The following PLAAT1 variants were observed in gnomAD, a reference collection of about 807,000 sequenced individuals.
PLAAT1 encodes phospholipase A and acyltransferase 1.
PLAAT1 carries 13 observed loss-of-function variants against 16.4 expected under a neutral mutation model. That is an observed-to-expected ratio of 0.79 (90% confidence interval 0.52 to 1.26). PLAAT1 has a LOEUF of 1.26. Among genes scored for constraint, PLAAT1 ranks in the 50% most tolerant of loss-of-function variants. The probability of loss-of-function intolerance (pLI) is 0.00; values close to 1 mark genes in which losing one functional copy is unlikely to be tolerated. For synonymous variants in PLAAT1, 73 were observed against 78.4 expected (o/e 0.93, Z 0.36); for missense variants, 218 against 207.8 (o/e 1.05, Z -0.30).
At chr3:193,271,801 C>G (rs188193183), downstream of PLAAT1, among the ~76,000 whole-genome samples, 2 of 152,032 alleles carry the variant, frequency 1.3e-5, no homozygotes, top group African/African-American at 4.8e-5. Flanking sequence ...ACAGAGGACT[C>G]GGTGAAAGTC....
intron 1 of PLAAT1, among the ~76,000 whole-genome samples, 190 bp from the exon 2 acceptor site, chr3:193,255,461 C>T (rs1365858130): frequency 2.0e-5 from 3 of 152,170 alleles, no homozygotes; most frequent in Non-Finnish European, 4.4e-5. Context: ...AATTATTTCT[C>T]TACTTGTCCC....
In PLAAT1 at chr3:193,241,340, G is replaced by A; in HGVS notation, c.-194G>A. The A allele has an allele frequency of 2.4e-6, 3 of 1,231,458 alleles. No homozygotes were observed. Among genetic ancestry groups the A allele is most frequent in the Non-Finnish European group, 3.0e-6 (3 of 987,788 alleles). The allele number at this position is 1,231,458 out of a possible 1,614,324, so 76.3% of individuals were successfully genotyped here. On this transcript the variant is annotated 5_prime_UTR_variant, in exon 1 of 4. Coordinates refer to ENST00000264735, the MANE Select transcript of PLAAT1 (RefSeq NM_020386.5). ...GCCGGGACCGTTTCAGCGTGGCGGC[G>A]CTGGTGCTGGCGTTGGCCCTGGAGG...
At chr3:193,276,494 A>G (rs761604732) in intron 2 of PLAAT1, among the ~76,000 whole-genome samples, 3 of 152,256 alleles carry the variant, frequency 2.0e-5, no homozygotes, top group Non-Finnish European at 4.4e-5. Context: ...CAGTGCATTC[A>G]TGGAAGCAAA....
intron 1 of PLAAT1, among the ~76,000 whole-genome samples, chr3:193,254,691 A>G (rs1330096878): frequency 6.6e-6 from 1 of 152,168 alleles, no homozygotes; most frequent in East Asian, 1.9e-4. Flanking sequence ...CAGCTTTCCA[A>G]GTTGTCCTGC....
chr3:193,264,479 TTTG>T (rs1016464401), intron 3 of PLAAT1, among the ~76,000 whole-genome samples: 6 of 150,634 alleles, frequency 4.0e-5, no homozygotes, highest in African/African-American at 1.2e-4. Flanking sequence ...TGCCCATTTT[TTTG>T]TTGTTGTTGT....
At chr3:193,251,734 C>T (rs181001883) in intron 1 of PLAAT1, among the ~76,000 whole-genome samples, 10 of 152,170 alleles carry the variant, frequency 6.6e-5, no homozygotes, top group Admixed American at 6.5e-4. Context: ...AGTGTATCTC[C>T]ACTTTTTCTA....
downstream of PLAAT1, among the ~76,000 whole-genome samples, chr3:193,281,423 G>T (rs531654737): frequency 2.0e-5 from 3 of 152,316 alleles, no homozygotes; most frequent in Non-Finnish European, 2.9e-5. Context: ...AGATTTGAAT[G>T]TTGGCTCTTC....
rs1716963810 is a variant in PLAAT1, at chr3:193,270,849, T to G, written c.*144T>G. The G allele has an allele frequency of 1.5e-6, 2 of 1,334,054 alleles. No homozygotes were observed. Among genetic ancestry groups the G allele is most frequent in the Admixed American group, 3.2e-5 (1 of 31,370 alleles). The allele number at this position is 1,334,054 out of a possible 1,614,324, so 82.6% of individuals were successfully genotyped here. On this transcript the variant is annotated 3_prime_UTR_variant, in exon 4 of 4. Transcript: ENST00000264735. ...TCTTTAATAAATTGCTTACTGATATTATCTTATCATTGAGCCAATGAAATT... is the reference window on the plus strand; with the variant it reads ...TCTTTAATAAATTGCTTACTGATATGATCTTATCATTGAGCCAATGAAATT...
intron 2 of PLAAT1, among the ~76,000 whole-genome samples, chr3:193,261,343 G>A (rs964084386): frequency 6.6e-6 from 1 of 151,348 alleles, no homozygotes; most frequent in Non-Finnish European, 1.5e-5. Context: ...ACTCCAGCCT[G>A]GGCAACAAAG....
intron 1 of PLAAT1, among the ~76,000 whole-genome samples, chr3:193,252,491 G>A (rs1050165175): frequency 5.3e-5 from 8 of 151,938 alleles, no homozygotes; most frequent in Admixed American, 2.0e-4. Flanking sequence ...AAATATTTTC[G>A]CCCACTCTGT....
intron 1 of PLAAT1, 27 bp downstream of exon 1, chr3:193,241,560 C>G (rs1715748163): frequency 8.1e-7 from 1 of 1,229,916 alleles, no homozygotes; most frequent in Non-Finnish European, 1.0e-6. Flanking sequence ...GGGGGAGGAC[C>G]TCGAGGCGCC....
In PLAAT1 at chr3:193,241,389, C is replaced by T. The variant is rs1715735682; in HGVS notation, c.-145C>T. The T allele has an allele frequency of 2.4e-6, 3 of 1,231,626 alleles. No homozygotes were observed. The highest frequency in any genetic ancestry group is 1.0e-6 in the Non-Finnish European group (1 of 988,008). The allele number at this position is 1,231,626 out of a possible 1,614,324, so 76.3% of individuals were successfully genotyped here. A position where few individuals can be genotyped will look rare whatever the true frequency, so the allele number is the denominator to read the frequency against. The stretch of plus-strand genomic sequence containing the variant: ...GGACGGCCCCGAGTGATGGCTGGCG[C>T]CTGCCTCCCGGGTGTCTCCCGGGTA... On this transcript the variant is annotated 5_prime_UTR_variant, in exon 1 of 4. Transcript: ENST00000264735.
intron 3 of PLAAT1, among the ~76,000 whole-genome samples, chr3:193,266,067 G>A (rs1051252605): frequency 1.5e-4 from 23 of 152,180 alleles, no homozygotes; most frequent in African/African-American, 5.5e-4. Flanking sequence ...ATGATACTAT[G>A]TTGCCTACTT....
upstream of PLAAT1, chr3:193,241,097 G>C: frequency 2.5e-6 from 2 of 792,392 alleles, no homozygotes; most frequent in Non-Finnish European, 3.3e-6. Flanking sequence ...CTGCGTCGGG[G>C]CGCGAGAAGG....
intron 2 of PLAAT1, among the ~76,000 whole-genome samples, chr3:193,260,409 T>C (rs1482984544): frequency 2.0e-5 from 3 of 151,838 alleles, no homozygotes; most frequent in Non-Finnish European, 4.4e-5. Flanking sequence ...ATCAACAGAG[T>C]AAATAGTCTA....
At chr3:193,258,860 A>C (rs1716478477) in intron 2 of PLAAT1, among the ~76,000 whole-genome samples, 1 of 152,076 alleles carries the variant, frequency 6.6e-6, no homozygotes, top group Admixed American at 6.6e-5. Flanking sequence ...TACTGAAACT[A>C]CTCCAAAAAC....
rs1480830188 is a variant in PLAAT1, at chr3:193,241,341, C to T, written c.-193C>T. The T allele has an allele frequency of 8.1e-7, 1 of 1,231,350 alleles. No individual in the cohort carries two copies. Among genetic ancestry groups the T allele is most frequent in the East Asian group, 3.2e-5 (1 of 31,696 alleles). 76.3% of individuals were successfully genotyped at this position (1,231,350 alleles called of 1,614,324 possible). On this transcript the variant is annotated 5_prime_UTR_variant, in exon 1 of 4. Coordinates refer to ENST00000264735, the MANE Select transcript of PLAAT1 (RefSeq NM_020386.5). ...CCGGGACCGTTTCAGCGTGGCGGCG[C>T]TGGTGCTGGCGTTGGCCCTGGAGGA...
chr3:193,255,819 G>A (rs772214172), intron 2 of PLAAT1, 30 bp downstream of exon 2: 37 of 1,538,830 alleles, frequency 2.4e-5, no homozygotes, highest in Non-Finnish European at 3.1e-5. Flanking sequence ...GCTCCTGGGA[G>A]CAAAGTTTTA....
At chr3:193,278,799 A>G (rs769348845), downstream of PLAAT1, among the ~76,000 whole-genome samples, 1 of 152,158 alleles carries the variant, frequency 6.6e-6, no homozygotes, top group Non-Finnish European at 1.5e-5. Flanking sequence ...CATCTTCACA[A>G]CAAATCTATG....
Sources: gnomAD v4.1 joint callset for allele counts (sites outside exome capture counted in the v4.1 genomes callset) on GRCh38, gnomAD v4.1.1 for gene constraint, MANE v1.5 for transcripts, NCBI Gene and HGNC (gene_info 2026-07-23, HGNC 2026-07-21) for gene names.